The following WWOX variants were observed in gnomAD, a reference collection of about 807,000 sequenced individuals.
WWOX encodes the protein WW domain containing oxidoreductase.
WWOX carries 69 observed loss-of-function variants against 46.2 expected under a neutral mutation model. The ratio of observed to expected loss-of-function variants is 1.49; its 90% CI spans 1.23 to 1.82. The LOEUF (loss-of-function observed/expected upper bound fraction) is 1.82. Among genes scored for constraint, WWOX ranks in the 40% most tolerant of loss-of-function variants. The pLI, the probability that WWOX is intolerant of heterozygous loss-of-function variation, is 0.00. For synonymous variants in WWOX, 359 were observed against 202.6 expected, an observed-to-expected ratio of 1.77 and a Z score of -6.56; for missense variants, 919 against 542.6, an observed-to-expected ratio of 1.69 and a Z score of -6.89.
At chr16:78,630,812 C>A (rs1360375691) in intron 8 of WWOX, among the ~76,000 whole-genome samples, 1 of 152,122 alleles carries the variant, frequency 6.6e-6, no homozygotes, top group Admixed American at 6.5e-5. Flanking sequence ...ATAGTTGGGA[C>A]CAGACCTCAA....
intron 5 of WWOX, among the ~76,000 whole-genome samples, chr16:78,204,336 C>A (rs1240645074): frequency 6.6e-6 from 1 of 152,018 alleles, no homozygotes; most frequent in African/African-American, 2.4e-5. Flanking sequence ...TTGATACAGG[C>A]ATGCAATGTG....
intron 8 of WWOX, among the ~76,000 whole-genome samples, chr16:78,560,473 G>A (rs892759286): frequency 6.0e-4 from 92 of 152,126 alleles, no homozygotes; most frequent in East Asian, 1.4e-3. Flanking sequence ...TGAAACCCCC[G>A]TCTCTACTAA....
intron 4 of WWOX, among the ~76,000 whole-genome samples, chr16:78,147,691 TTTTTTAAAA>T (rs1199128942): frequency 7.4e-5 from 8 of 108,450 alleles, no homozygotes; most frequent in African/African-American, 2.7e-4. Context: ...TTTTTTTTTT[TTTTTTAAAA>T]AAAAAAAAGG....
At chr16:78,889,182 G>A (rs535898055) in intron 8 of WWOX, among the ~76,000 whole-genome samples, 1 of 152,024 alleles carries the variant, frequency 6.6e-6, no homozygotes, top group East Asian at 1.9e-4. Flanking sequence ...TTCGTACCAG[G>A]GATTGGCAAA....
At chr16:78,811,646 C>T (rs1351552697) in intron 8 of WWOX, among the ~76,000 whole-genome samples, 3 of 152,092 alleles carry the variant, frequency 2.0e-5, no homozygotes, top group East Asian at 3.9e-4. Context: ...GCTGGGATTA[C>T]AGGCATGAGC....
intron 5 of WWOX, among the ~76,000 whole-genome samples, chr16:78,205,350 G>T (rs542570972): frequency 1.2e-4 from 18 of 152,252 alleles, no homozygotes; most frequent in Non-Finnish European, 1.9e-4. Flanking sequence ...CCATATGTCA[G>T]TTGGCCCATC....
chr16:78,819,378 G>T (rs967342186), intron 8 of WWOX, among the ~76,000 whole-genome samples: 6 of 152,180 alleles, frequency 3.9e-5, no homozygotes, highest in African/African-American at 1.2e-4. Context: ...GTGTCCGCCA[G>T]TGTGTCATGT....
chr16:78,130,804 T>A (rs753600388), intron 4 of WWOX, among the ~76,000 whole-genome samples: 2 of 152,226 alleles, frequency 1.3e-5, no homozygotes, highest in African/African-American at 4.8e-5. Flanking sequence ...ACAGGCAGGG[T>A]CCCTGCCCTT....
intron 4 of WWOX, among the ~76,000 whole-genome samples, chr16:78,121,666 G>GT (rs58400596): frequency 4.2e-3 from 613 of 144,708 alleles, no homozygotes; most frequent in Middle Eastern, 7.2e-3. Flanking sequence ...TGGTGTTTCA[G>GT]TTTTTTTTTT....
At chr16:78,427,094 G>A (rs1245855247) in intron 7 of WWOX, among the ~76,000 whole-genome samples, 2 of 152,194 alleles carry the variant, frequency 1.3e-5, no homozygotes, top group Non-Finnish European at 2.9e-5. Context: ...GGTACGTGAA[G>A]ACAGTTGCTC....
chr16:79,066,787 C>G (rs997554042), intron 8 of WWOX, among the ~76,000 whole-genome samples: 1 of 152,176 alleles, frequency 6.6e-6, no homozygotes, highest in Admixed American at 6.5e-5. Context: ...TGGCAATGGT[C>G]CAGGTCAAAC....
At chr16:78,935,223 A>C (rs2045710780) in intron 8 of WWOX, among the ~76,000 whole-genome samples, 1 of 152,196 alleles carries the variant, frequency 6.6e-6, no homozygotes, top group African/African-American at 2.4e-5. Flanking sequence ...AGAACTAGAA[A>C]TACCATTTGA....
intron 8 of WWOX, among the ~76,000 whole-genome samples, chr16:78,516,033 T>A (rs1201953347): frequency 2.6e-5 from 4 of 152,048 alleles, no homozygotes; most frequent in Non-Finnish European, 5.9e-5. Flanking sequence ...TCCCTCTCTT[T>A]AAGGTTTTCT....
intron 8 of WWOX, among the ~76,000 whole-genome samples, chr16:78,682,010 T>A (rs550280418): frequency 1.3e-5 from 2 of 152,212 alleles, no homozygotes; most frequent in Non-Finnish European, 2.9e-5. Flanking sequence ...CAGTGATTTT[T>A]AAAAGTCTTT....
chr16:78,623,824 A>G (rs1219011964), intron 8 of WWOX, among the ~76,000 whole-genome samples: 1 of 152,130 alleles, frequency 6.6e-6, no homozygotes, highest in Non-Finnish European at 1.5e-5. Flanking sequence ...ATATACATAC[A>G]TTACTGGGAT....
At chr16:79,068,797 C>A (rs2048490654) in intron 8 of WWOX, among the ~76,000 whole-genome samples, 1 of 148,550 alleles carries the variant, frequency 6.7e-6, no homozygotes. Context: ...AGCTATAGAG[C>A]CAGAACTTGT....
At chr16:79,210,891 A>T (rs185822347) in intron 8 of WWOX, among the ~76,000 whole-genome samples, 88 of 152,318 alleles carry the variant, frequency 5.8e-4, no homozygotes, top group Non-Finnish European at 1.1e-3. Context: ...TACATTTTGA[A>T]GTGGGCTGGG....
intron 5 of WWOX, among the ~76,000 whole-genome samples, chr16:78,371,512 A>T (rs2081685409): frequency 6.8e-6 from 1 of 147,628 alleles, no homozygotes; most frequent in African/African-American, 2.6e-5. Context: ...ATTTTATCTA[A>T]ATATTCCATT....
chr16:78,223,396 C>A (rs187419729), intron 5 of WWOX, among the ~76,000 whole-genome samples: 1 of 152,098 alleles, frequency 6.6e-6, no homozygotes, highest in Non-Finnish European at 1.5e-5. Context: ...GTGGACCATG[C>A]CCTTTTATGC....
Sources: gnomAD v4.1 joint callset for allele counts (sites outside exome capture counted in the v4.1 genomes callset) on GRCh38, gnomAD v4.1.1 for gene constraint, MANE v1.5 for transcripts, NCBI Gene and HGNC (gene_info 2026-07-23, HGNC 2026-07-21) for gene names.